The following BCOR variants were observed in gnomAD, a reference collection of about 807,000 sequenced individuals.
BCOR encodes the protein BCL6 corepressor, also known as BCL-6 corepressor.
A neutral mutation model predicts 86.7 loss-of-function variants in BCOR; 10 were observed. The observed-to-expected ratio is 0.12, with a 90% CI of 0.07 to 0.20. The LOEUF (loss-of-function observed/expected upper bound fraction) is 0.20. Ranked by LOEUF, BCOR falls within the 10% of genes least tolerant of loss-of-function variation. BCOR has a pLI of 1.00. For synonymous variants in BCOR, 611 were observed against 609.0 expected (o/e 1.00, Z -0.05); for missense variants, 1,259 against 1,452.1 (o/e 0.87, Z 2.16).
chrX:40,099,047 G>A (rs902101291), upstream of BCOR, among the ~76,000 whole-genome samples: 1 of 113,304 alleles, frequency 8.8e-6, no homozygotes, highest in Admixed American at 9.2e-5. Flanking sequence ...TATTTTCCTT[G>A]ACAGGGAGCA....
intron 7 of BCOR, 89 bp downstream of exon 7, chrX:40,064,247 G>C: frequency 9.5e-6 from 11 of 1,159,193 alleles, no homozygotes; most frequent in Non-Finnish European, 1.3e-5. Context: ...CGGGGGCAGC[G>C]CGCCGCACAT....
intron 1 of BCOR, among the ~76,000 whole-genome samples, chrX:40,151,455 A>G (rs1438388580): frequency 8.9e-6 from 1 of 112,980 alleles, no homozygotes; most frequent in Non-Finnish European, 1.9e-5. Context: ...TTCTGCCGGG[A>G]GGATCCTCTG....
intron 9 of BCOR, 99 bp from the exon 10 acceptor site, chrX:40,062,492 A>T: frequency 9.6e-7 from 1 of 1,043,534 alleles, no homozygotes; most frequent in Admixed American, 2.6e-5. Flanking sequence ...GCGTGGAGAG[A>T]GGCACTTTAT....
At chrX:40,080,815 CGT>C (rs533981374) in intron 1 of BCOR, among the ~76,000 whole-genome samples, 853 of 65,930 alleles carry the variant, frequency 0.013, 14 homozygotes, top group Middle Eastern at 0.025. Flanking sequence ...GGTTCACTGT[CGT>C]GTGTGTGTGT....
At chrX:40,120,320 C>T (rs1269778923) in intron 1 of BCOR, among the ~76,000 whole-genome samples, 1 of 111,270 alleles carries the variant, frequency 9.0e-6, no homozygotes, top group Admixed American at 9.6e-5. Flanking sequence ...TGCAGGAATG[C>T]CCCTTCTCTC....
At chrX:40,087,130 G>T (rs1936395046) in intron 1 of BCOR, among the ~76,000 whole-genome samples, 1 of 113,309 alleles carries the variant, frequency 8.8e-6, no homozygotes, top group Admixed American at 9.2e-5. Flanking sequence ...TGGGGCCGGG[G>T]CCGGGACAGG....
intron 1 of BCOR, among the ~76,000 whole-genome samples, chrX:40,137,960 T>G (rs1390402705): frequency 2.7e-5 from 3 of 111,664 alleles, no homozygotes; most frequent in Non-Finnish European, 5.7e-5. Flanking sequence ...AAATATCTTT[T>G]TTTTTTTTTA....
intron 1 of BCOR, among the ~76,000 whole-genome samples, chrX:40,158,467 G>A (rs1218991005): frequency 8.9e-6 from 1 of 112,528 alleles, no homozygotes; most frequent in Non-Finnish European, 1.9e-5. Flanking sequence ...TCCCCGCTGC[G>A]GGCCACGCTG....
intron 1 of BCOR, among the ~76,000 whole-genome samples, chrX:40,106,401 G>A (rs916618099): frequency 8.9e-6 from 1 of 111,924 alleles, no homozygotes; most frequent in African/African-American, 3.2e-5. Flanking sequence ...CGGCCCCGCG[G>A]GCCCGGAGTC....
intron 1 of BCOR, among the ~76,000 whole-genome samples, chrX:40,120,288 A>G (rs914123271): frequency 2.7e-5 from 3 of 110,789 alleles, no homozygotes; most frequent in African/African-American, 9.8e-5. Context: ...GCCTTTCCCC[A>G]TTGTGGCCCA....
intron 1 of BCOR, among the ~76,000 whole-genome samples, chrX:40,118,633 G>A (rs1177362982): frequency 1.8e-5 from 2 of 111,438 alleles, no homozygotes. Flanking sequence ...CCTCTTAACC[G>A]CATCTTCCAC....
rs5963732 is a variant in BCOR, at chrX:40,066,076, G to C, written c.3239-1477C>G. Among the ~76,000 whole-genome samples the C allele has an allele frequency of 8.3e-3, 923 of 110,712 alleles. 10 individuals are homozygous for C. Among genetic ancestry groups the C allele is most frequent in the African/African-American group, 0.028 (848 of 30,245 alleles). The stretch of plus-strand genomic sequence containing the variant: ...CTGCATCTATTCTTGCAAAGGAATG[G>C]TAGAATCTCCCCAACCGTTCCTCCT... On this transcript the variant is annotated intron_variant, in intron 6 of 14. Transcript: ENST00000378444.
intron 1 of BCOR, among the ~76,000 whole-genome samples, chrX:40,176,802 G>A (rs1417286319): frequency 9.0e-6 from 1 of 110,663 alleles, no homozygotes; most frequent in Non-Finnish European, 1.9e-5. Context: ...CCTTGTCCCA[G>A]CCCGGCTCCC....
At chrX:40,076,084 T>C (rs1935793895) in intron 3 of BCOR, among the ~76,000 whole-genome samples, 1 of 112,474 alleles carries the variant, frequency 8.9e-6, no homozygotes, top group African/African-American at 3.2e-5. Flanking sequence ...TTTGACTTCC[T>C]CTCCCTTGTG....
At chrX:40,064,031 G>T (rs1935047997) in intron 7 of BCOR, 79 bp from the exon 8 acceptor site, 8 of 657,757 alleles carry the variant, frequency 1.2e-5, no homozygotes, top group Non-Finnish European at 1.6e-5. Flanking sequence ...CTAATGGGGT[G>T]GGGGAGGGGG....
upstream of BCOR, among the ~76,000 whole-genome samples, chrX:40,101,473 G>A (rs983148070): frequency 1.1e-4 from 12 of 113,256 alleles, no homozygotes; most frequent in African/African-American, 3.8e-4. Context: ...AGCGGGGGCT[G>A]CCCCTCCGCC....
chrX:40,163,775 G>T (rs1938463847), intron 1 of BCOR, among the ~76,000 whole-genome samples: 1 of 110,818 alleles, frequency 9.0e-6, no homozygotes, highest in South Asian at 3.8e-4. Flanking sequence ...TGTAATCCCA[G>T]CACTTTGGGA....
chrX:40,095,372 TG>T (rs1214711713), intron 1 of BCOR, among the ~76,000 whole-genome samples: 1 of 111,292 alleles, frequency 9.0e-6, no homozygotes, highest in Non-Finnish European at 1.9e-5. Flanking sequence ...TCGTAAGGAT[TG>T]ATTTCGGCCC....
chrX:40,145,829 G>A (rs1005176419), intron 1 of BCOR, among the ~76,000 whole-genome samples: 1 of 111,766 alleles, frequency 8.9e-6, no homozygotes, highest in African/African-American at 3.3e-5. Context: ...AAGCGGACCC[G>A]GATTAGGGGT....
Sources: gnomAD v4.1 joint callset for allele counts (sites outside exome capture counted in the v4.1 genomes callset) on GRCh38, gnomAD v4.1.1 for gene constraint, MANE v1.5 for transcripts, NCBI Gene and HGNC (gene_info 2026-07-23, HGNC 2026-07-21) for gene names.